Variants in EFNA5 observed in about 807,000 individuals in gnomAD.
EFNA5 encodes the protein ephrin-A5.
A neutral mutation model predicts 22.9 loss-of-function variants in EFNA5; 5 were observed. The observed-to-expected ratio is 0.22, with a 90% confidence interval of 0.11 to 0.46. EFNA5 has a LOEUF of 0.46. Ranked by LOEUF, EFNA5 falls within the 20% of genes least tolerant of loss-of-function variation. EFNA5 has a pLI of 0.99. For synonymous variants in EFNA5, 113 were observed against 112.2 expected, an observed-to-expected ratio of 1.01 and a Z score of -0.04; for missense variants, 237 against 293.3, an observed-to-expected ratio of 0.81 and a Z score of 1.40.
At chr5:107,408,818 T>C (rs77984244) in intron 2 of EFNA5, among the ~76,000 whole-genome samples, 10,673 of 152,280 alleles carry the variant, frequency 0.07, 490 homozygotes, top group Non-Finnish European at 0.11. Context: ...CGATTCCTCC[T>C]TCCCTTCCTT....
intron 2 of EFNA5, among the ~76,000 whole-genome samples, chr5:107,391,974 G>A (rs931641277): frequency 6.6e-6 from 1 of 152,186 alleles, no homozygotes; most frequent in Admixed American, 6.5e-5. Flanking sequence ...TGGGGCTCAG[G>A]TGAGCATGAC....
At chr5:107,656,616 T>C (rs1561461835) in intron 1 of EFNA5, among the ~76,000 whole-genome samples, 1 of 152,170 alleles carries the variant, frequency 6.6e-6, no homozygotes, top group Non-Finnish European at 1.5e-5. Flanking sequence ...TAACTCCCCT[T>C]AAATCTCTAT....
rs1186223561 is a variant in EFNA5 at position 107,379,783 on chromosome 5, C to T, written c.*1472G>A. ...CACCCCCACAATGAAACAAGATAGC[C>T]CCCATATTTCTAAATGTATCAAGGG... On this transcript the variant is annotated 3_prime_UTR_variant, in exon 5 of 5. Transcript: ENST00000333274. 1 of 151,792 alleles carries T rather than the reference C, an allele frequency of 6.6e-6. No individual in the cohort carries two copies. The highest frequency in any genetic ancestry group is 1.5e-5 in the Non-Finnish European group (1 of 67,988). 9.4% of individuals were successfully genotyped at this position (151,792 alleles called of 1,614,324 possible). A position where few individuals can be genotyped will look rare whatever the true frequency, so the allele number is the denominator to read the frequency against.
chr5:107,469,988 G>A lies in EFNA5; in HGVS notation c.126-42479C>T, dbSNP rs142342320. The stretch of plus-strand genomic sequence containing the variant: ...ACAATTAAGTGTTAATGCGAACACC[G>A]TTAACAGTAATGCAATTATAACTGT... On this transcript the variant is annotated intron_variant, in intron 1 of 4. Transcript: ENST00000333274. Among the ~76,000 whole-genome samples the A allele has an allele frequency of 2.8e-3, 423 of 152,142 alleles. 5 individuals are homozygous for A. Among genetic ancestry groups the A allele is most frequent in the Non-Finnish European group, 6.8e-4 (46 of 68,014 alleles).
At chr5:107,447,518 A>C (rs1749428522) in intron 1 of EFNA5, among the ~76,000 whole-genome samples, 1 of 152,200 alleles carries the variant, frequency 6.6e-6, no homozygotes, top group African/African-American at 2.4e-5. Context: ...TGCCCTGGAG[A>C]AACTGACAGT....
chr5:107,516,607 C>T (rs1747487447), intron 1 of EFNA5, among the ~76,000 whole-genome samples: 1 of 152,026 alleles, frequency 6.6e-6, no homozygotes. Flanking sequence ...CACATATGGC[C>T]GTAAAAGAAA....
chr5:107,512,053 G>C (rs1029477836), intron 1 of EFNA5, among the ~76,000 whole-genome samples: 6 of 152,170 alleles, frequency 3.9e-5, no homozygotes, highest in African/African-American at 1.2e-4. Context: ...TGCTATCTGT[G>C]GCTCCTGCAA....
intron 1 of EFNA5, among the ~76,000 whole-genome samples, chr5:107,639,228 A>C (rs76944363): frequency 0.023 from 3,485 of 152,334 alleles, 140 homozygotes; most frequent in African/African-American, 0.079. Context: ...AATACAACTA[A>C]TTTGGAAAAA....
chr5:107,601,248 G>A (rs941937127), intron 1 of EFNA5, among the ~76,000 whole-genome samples: 11 of 152,202 alleles, frequency 7.2e-5, no homozygotes, highest in African/African-American at 2.7e-4. Context: ...TGGCCGCATT[G>A]GCAAAGAACT....
At chr5:107,488,280 C>G (rs1238921349) in intron 1 of EFNA5, among the ~76,000 whole-genome samples, 1 of 152,210 alleles carries the variant, frequency 6.6e-6, no homozygotes, top group Non-Finnish European at 1.5e-5. Flanking sequence ...TTCATTCACT[C>G]ACTCATTGGT....
At position 107,398,002 on chromosome 5, in the gene EFNA5, C is replaced by T. The variant is rs191093216; in HGVS notation, c.419-10231G>A. Among the ~76,000 whole-genome samples the T allele has an allele frequency of 1.5e-3, 234 of 152,226 alleles. 1 individual carries two copies. Among genetic ancestry groups the T allele is most frequent in the African/African-American group, 4.6e-3 (190 of 41,552 alleles). On this transcript the variant is annotated intron_variant, in intron 2 of 4. Transcript: ENST00000333274. ...GAACAGCAGCCAGGGTTTCCTTTTC[C>T]ATAATCTGGTCCCAACCTTATTCTC...
At chr5:107,382,009 A>G (rs143063525) in intron 4 of EFNA5, among the ~76,000 whole-genome samples, 28 of 152,348 alleles carry the variant, frequency 1.8e-4, no homozygotes, top group African/African-American at 6.5e-4. Flanking sequence ...TGCTATTTCT[A>G]TTACAAACCC....
At chr5:107,537,783 C>G (rs1035925107) in intron 1 of EFNA5, among the ~76,000 whole-genome samples, 2 of 152,106 alleles carry the variant, frequency 1.3e-5, no homozygotes, top group Non-Finnish European at 2.9e-5. Flanking sequence ...ATGTTTTACC[C>G]TACATCCAGG....
chr5:107,437,628 C>T (rs1025892860), intron 1 of EFNA5, among the ~76,000 whole-genome samples: 1 of 152,092 alleles, frequency 6.6e-6, no homozygotes, highest in Admixed American at 6.5e-5. Flanking sequence ...ATGGTGTTTA[C>T]TTGTCTCTGT....
intron 1 of EFNA5, among the ~76,000 whole-genome samples, chr5:107,647,318 C>T (rs1331479183): frequency 1.3e-5 from 2 of 152,098 alleles, no homozygotes; most frequent in Non-Finnish European, 2.9e-5. Context: ...GTGGGTATAA[C>T]TGTCTACAAT....
intron 1 of EFNA5, among the ~76,000 whole-genome samples, chr5:107,578,304 A>C (rs1748968625): frequency 1.3e-5 from 2 of 152,208 alleles, no homozygotes. Context: ...GCCAAAATCC[A>C]TGAAGTCTGA....
chr5:107,500,809 C>T (rs1449572578), intron 1 of EFNA5, among the ~76,000 whole-genome samples: 1 of 151,842 alleles, frequency 6.6e-6, no homozygotes, highest in African/African-American at 2.4e-5. Context: ...GGGATATTTG[C>T]CTGGCCCTTA....
intron 1 of EFNA5, among the ~76,000 whole-genome samples, chr5:107,662,357 A>G (rs71575451): frequency 0.054 from 8,243 of 152,288 alleles, 297 homozygotes; most frequent in Non-Finnish European, 0.086. Flanking sequence ...CAGCTTAATC[A>G]GGCTAAGTCA....
intron 1 of EFNA5, among the ~76,000 whole-genome samples, chr5:107,433,026 T>G (rs1031519300): frequency 6.6e-6 from 1 of 152,238 alleles, no homozygotes; most frequent in East Asian, 1.9e-4. Flanking sequence ...TATAAGAATA[T>G]AGTATATATG....
Sources: allele counts gnomAD v4.1 joint callset (sites outside exome capture counted in the v4.1 genomes callset), GRCh38; gene constraint gnomAD v4.1.1; transcripts MANE v1.5; gene names NCBI Gene and HGNC (gene_info 2026-07-23, HGNC 2026-07-21).